The following SIPA1L3 variants were observed in gnomAD, a reference collection of about 807,000 sequenced individuals.
SIPA1L3 encodes signal induced proliferation associated 1 like 3.
Under a neutral mutation model 150.1 loss-of-function variants are expected in SIPA1L3, and 59 were observed. That is an observed-to-expected ratio of 0.39 (90% CI 0.32 to 0.49). The LOEUF (loss-of-function observed/expected upper bound fraction) is 0.49, where lower values mean the gene tolerates loss of function less well. Ranked by LOEUF, SIPA1L3 falls within the 20% of genes least tolerant of loss-of-function variation. The pLI, the probability that SIPA1L3 is intolerant of heterozygous loss-of-function variation, is 0.86. For missense variants in SIPA1L3, 2,211 were observed against 2,489.5 expected, an observed-to-expected ratio of 0.89 and a Z score of 2.38; for synonymous variants, 1,070 against 1,077.6, an observed-to-expected ratio of 0.99 and a Z score of 0.14.
At chr19:38,028,539 T>C (rs937202855) in intron 1 of SIPA1L3, among the ~76,000 whole-genome samples, 3 of 152,200 alleles carry the variant, frequency 2.0e-5, no homozygotes, top group Non-Finnish European at 4.4e-5. Flanking sequence ...CCGCTAGGTT[T>C]CATCAAGGTT....
At chr19:38,068,202 A>C (rs1599995632) in intron 2 of SIPA1L3, among the ~76,000 whole-genome samples, 1 of 150,764 alleles carries the variant, frequency 6.6e-6, no homozygotes, top group South Asian at 2.1e-4. Flanking sequence ...TTTTTTCTTC[A>C]TATTTTTTAG....
intron 15 of SIPA1L3, among the ~76,000 whole-genome samples, chr19:38,175,317 G>A (rs999691590): frequency 5.3e-5 from 8 of 152,074 alleles, no homozygotes; most frequent in Admixed American, 1.3e-4. Flanking sequence ...ACCACAGCTC[G>A]CTCCCTGAGA....
At chr19:38,176,583 C>T (rs1972439812) in intron 15 of SIPA1L3, among the ~76,000 whole-genome samples, 1 of 152,068 alleles carries the variant, frequency 6.6e-6, no homozygotes, top group Admixed American at 6.6e-5. Flanking sequence ...TTATTCCGTA[C>T]ATGTTCCCCA....
intron 1 of SIPA1L3, among the ~76,000 whole-genome samples, chr19:37,973,317 A>G (rs1476855213): frequency 2.0e-5 from 3 of 148,800 alleles, no homozygotes; most frequent in South Asian, 2.2e-4. Context: ...GCTCACTGCA[A>G]CCTCCGCTTC....
At chr19:38,013,074 T>C (rs541541815) in intron 1 of SIPA1L3, among the ~76,000 whole-genome samples, 1 of 152,322 alleles carries the variant, frequency 6.6e-6, no homozygotes, top group Non-Finnish European at 1.5e-5. Context: ...TGAGGGCAGC[T>C]TGGTCAGTGT....
In SIPA1L3 at chr19:38,182,133, T is replaced by G. The variant is rs1027815130; in HGVS notation, c.4209-386T>G. 1.6e-4 allele frequency among the ~76,000 whole-genome samples: 9 copies of G among 56,738 alleles called. No individual in the cohort carries two copies. The African/African-American group carries it at 1.7e-3, about 10-fold the overall frequency. 37.2% of individuals were successfully genotyped at this position (56,738 alleles called of 152,430 possible). A position where few individuals can be genotyped will look rare whatever the true frequency, so the allele number is the denominator to read the frequency against. Reference sequence around the variant, plus strand: ...TCCAGCCTGGGTGACTGAGACCCTGTCTCAAAAAAAAAAAAAGAAAGGTTA... The same window carrying G: ...TCCAGCCTGGGTGACTGAGACCCTGGCTCAAAAAAAAAAAAAGAAAGGTTA... On this transcript the variant is annotated intron_variant, in intron 15 of 21. Transcript: ENST00000222345.
At chr19:38,110,164 C>T in intron 7 of SIPA1L3, 63 bp from the exon 8 acceptor site, 1 of 1,542,532 alleles carries the variant, frequency 6.5e-7, no homozygotes, top group Non-Finnish European at 8.9e-7. Flanking sequence ...GGCAGTGGTC[C>T]AGGCAGGACC....
intron 2 of SIPA1L3, among the ~76,000 whole-genome samples, chr19:38,069,236 G>T (rs746943673): frequency 6.6e-6 from 1 of 152,170 alleles, no homozygotes; most frequent in African/African-American, 2.4e-5. Context: ...CAGACAGCAT[G>T]GGGGGACAAT....
At chr19:38,138,371 C>G (rs1971484822) in intron 10 of SIPA1L3, among the ~76,000 whole-genome samples, 1 of 152,130 alleles carries the variant, frequency 6.6e-6, no homozygotes, top group African/African-American at 2.4e-5. Context: ...AGGTGATGTA[C>G]TGATCAGGAC....
intron 18 of SIPA1L3, among the ~76,000 whole-genome samples, chr19:38,196,455 C>CAGAGCAT (rs1568605821): frequency 1.2e-4 from 16 of 130,558 alleles, no homozygotes; most frequent in Admixed American, 7.7e-4. Flanking sequence ...AGGTCAAGGG[C>CAGAGCAT]GGAGTGTGGA....
Position 38,135,241 on chromosome 19 carries a change from C to T in SIPA1L3, c.3143+4469C>T, listed in dbSNP as rs549810327. On this transcript the variant is annotated intron_variant, in intron 10 of 21. Coordinates refer to ENST00000222345, the MANE Select transcript of SIPA1L3 (RefSeq NM_015073.3). ...TCTCTCCACTTGGTGGGGGACAGTTCTGGGCAGGCCTAAACCCTGAACCTG... is the reference window on the plus strand; with the variant it reads ...TCTCTCCACTTGGTGGGGGACAGTTTTGGGCAGGCCTAAACCCTGAACCTG... Among the ~76,000 whole-genome samples the T allele has an allele frequency of 3.6e-4, 55 of 152,298 alleles. 1 individual carries two copies. The South Asian group carries it at 5.2e-3, about 14-fold the overall frequency.
At chr19:38,143,164 C>T (rs574090162) in intron 12 of SIPA1L3, among the ~76,000 whole-genome samples, 32 of 152,206 alleles carry the variant, frequency 2.1e-4, no homozygotes, top group African/African-American at 6.7e-4. Flanking sequence ...GAGATCTCCC[C>T]AAACCCTCCA....
chr19:38,152,746 A>T, intron 12 of SIPA1L3, 94 bp from the exon 13 acceptor site: 1 of 1,427,056 alleles, frequency 7.0e-7, no homozygotes, highest in East Asian at 2.4e-5. Context: ...GTGTGTCTAA[A>T]ACCCACTGGC....
At chr19:37,932,794 T>C (rs1008410606) in intron 1 of SIPA1L3, 22 of 152,330 alleles carry the variant, frequency 1.4e-4, no homozygotes, top group African/African-American at 5.1e-4. Flanking sequence ...TTTCTCTTTT[T>C]TTCCCCCCTC....
chr19:38,194,955 G>T (rs1430060949), intron 18 of SIPA1L3, among the ~76,000 whole-genome samples: 1 of 152,122 alleles, frequency 6.6e-6, no homozygotes, highest in African/African-American at 2.4e-5. Flanking sequence ...GGAGGCTGAG[G>T]CAGGAGAATC....
chr19:38,063,156 G>A (rs1310345128), intron 2 of SIPA1L3, among the ~76,000 whole-genome samples: 1 of 152,214 alleles, frequency 6.6e-6, no homozygotes, highest in African/African-American at 2.4e-5. Context: ...TCAGGGGCCA[G>A]TTAGGATGAT....
chr19:38,134,220 G>GTGA (rs1241021373), intron 10 of SIPA1L3, among the ~76,000 whole-genome samples: 1 of 150,816 alleles, frequency 6.6e-6, no homozygotes, highest in Non-Finnish European at 1.5e-5. Context: ...CTGACCTCAT[G>GTGA]TGATCTGCCC....
intron 8 of SIPA1L3, among the ~76,000 whole-genome samples, 177 bp downstream of exon 8, chr19:38,110,561 C>T (rs1307485715): frequency 2.6e-5 from 4 of 152,190 alleles, no homozygotes; most frequent in Non-Finnish European, 4.4e-5. Flanking sequence ...GGGCATGGCT[C>T]CCCACTTTTG....
chr19:37,963,799 G>A (rs900543945), intron 1 of SIPA1L3: 3 of 152,174 alleles, frequency 2.0e-5, no homozygotes, highest in Admixed American at 2.0e-4. Flanking sequence ...AGTCTGGTTA[G>A]CAGCTTTGAC....
Sources: gnomAD v4.1 joint callset for allele counts (sites outside exome capture counted in the v4.1 genomes callset) on GRCh38, gnomAD v4.1.1 for gene constraint, MANE v1.5 for transcripts, NCBI Gene and HGNC (gene_info 2026-07-23, HGNC 2026-07-21) for gene names.